The following AK4 variants were observed in gnomAD, a reference collection of about 807,000 sequenced individuals.
AK4 encodes the protein adenylate kinase 4, mitochondrial.
A neutral mutation model predicts 24.6 loss-of-function variants in AK4; 13 were observed. The observed-to-expected ratio is 0.53, with a 90% CI of 0.34 to 0.84. AK4 has a LOEUF of 0.84. AK4 is among the 40% of genes least tolerant of loss of function. The pLI is 0.01. For missense variants in AK4, 192 were observed against 288.2 expected, an observed-to-expected ratio of 0.67 and a Z score of 2.42; for synonymous variants, 88 against 107.0, an observed-to-expected ratio of 0.82 and a Z score of 1.10.
At chr1:65,163,406 G>T (rs1650232795) in intron 1 of AK4, among the ~76,000 whole-genome samples, 1 of 152,200 alleles carries the variant, frequency 6.6e-6, no homozygotes, top group African/African-American at 2.4e-5. Context: ...CAAAAAAAGA[G>T]AAATGACTAC....
At position 65,218,848 on chromosome 1, in the gene AK4, A is replaced by G; in HGVS notation, c.360A>G (p.Lys120=). The change falls in exon 3 of 5, where the codon AAA becomes AAG. Residue 120 remains lysine, a synonymous_variant. Coordinates refer to ENST00000327299, the MANE Select transcript of AK4 (RefSeq NM_013410.4). ...TGAATATTCCATTTGAAACACTTAA[A>G]GATCGTCTCAGCCGCCGTTGGATTC... is the stretch of plus-strand genomic sequence containing the variant. ...ISLNIPFETL[K]DRLSRRWIHP... 1.9e-6 allele frequency: 3 copies of G among 1,608,034 alleles called. No homozygotes were observed. Among genetic ancestry groups the G allele is most frequent in the Non-Finnish European group, 2.5e-6 (3 of 1,177,338 alleles).
chr1:65,153,222 C>T (rs1049317654), intron 1 of AK4, among the ~76,000 whole-genome samples: 4 of 152,170 alleles, frequency 2.6e-5, no homozygotes, highest in African/African-American at 9.7e-5. Context: ...GTAAGTCTGC[C>T]TTAGCCACAT....
intron 1 of AK4, among the ~76,000 whole-genome samples, chr1:65,150,156 A>C (rs1417899129): frequency 6.6e-6 from 1 of 152,114 alleles, no homozygotes; most frequent in Non-Finnish European, 1.5e-5. Flanking sequence ...CCATCCTGGG[A>C]CTGGACTCAT....
chr1:65,149,841 C>T (rs146752743), intron 1 of AK4, among the ~76,000 whole-genome samples: 1 of 152,266 alleles, frequency 6.6e-6, no homozygotes, highest in East Asian at 1.9e-4. Flanking sequence ...GTATTGTTAC[C>T]TCAAGTGCGC....
At chr1:65,189,324 A>G (rs1651213831) in intron 1 of AK4, among the ~76,000 whole-genome samples, 1 of 137,892 alleles carries the variant, frequency 7.3e-6, no homozygotes, top group Non-Finnish European at 1.5e-5. Flanking sequence ...TGTTGCCCAG[A>G]CTGGAGTGCA....
rs576704191 is a variant in AK4, at chr1:65,161,114, C to T, written c.145+12562C>T. Among the ~76,000 whole-genome samples the T allele has an allele frequency of 8.7e-4, 132 of 151,774 alleles. 1 individual carries two copies. Among genetic ancestry groups the T allele is most frequent in the Admixed American group, 1.3e-3 (20 of 15,244 alleles). ...CCTAAAACATTTTTTTTTAAAAAAC[C>T]TAAAAAAGGAAGCACTGACTTCCTC... On this transcript the variant is annotated intron_variant, in intron 1 of 4. Coordinates refer to ENST00000327299, the MANE Select transcript of AK4 (RefSeq NM_013410.4).
chr1:65,163,856 G>A (rs1650248155), intron 1 of AK4, among the ~76,000 whole-genome samples: 1 of 152,124 alleles, frequency 6.6e-6, no homozygotes, highest in Admixed American at 6.5e-5. Flanking sequence ...GTTGGAGATG[G>A]AATCATAGGG....
At chr1:65,211,255 GA>G (rs200024945) in intron 2 of AK4, among the ~76,000 whole-genome samples, 7,333 of 151,880 alleles carry the variant, frequency 0.048, 343 homozygotes, top group African/African-American at 0.12. Flanking sequence ...GTAATATGAA[GA>G]AAAAAATCTC....
chr1:65,199,846 C>T (rs1651609269), intron 2 of AK4, among the ~76,000 whole-genome samples: 1 of 152,020 alleles, frequency 6.6e-6, no homozygotes, highest in East Asian at 1.9e-4. Flanking sequence ...TGAGATGCTC[C>T]AATAGGCATT....
chr1:65,219,208 ATTTAT>A (rs1171013744), intron 3 of AK4, among the ~76,000 whole-genome samples: 2 of 151,332 alleles, frequency 1.3e-5, no homozygotes, highest in East Asian at 1.9e-4. Context: ...ATATAATTAT[ATTTAT>A]TTTATTTAAA....
At chr1:65,154,852 AT>A (rs71056081) in intron 1 of AK4, among the ~76,000 whole-genome samples, 1,664 of 146,584 alleles carry the variant, frequency 0.011, 13 homozygotes, top group East Asian at 0.055. Context: ...CATAGGGAGA[AT>A]TTTTTTTTTT....
At chr1:65,184,505 C>T (rs1239769417) in intron 1 of AK4, among the ~76,000 whole-genome samples, 2 of 152,102 alleles carry the variant, frequency 1.3e-5, no homozygotes, top group Non-Finnish European at 2.9e-5. Flanking sequence ...TTATTTGAAA[C>T]CTTCCTAGTG....
chr1:65,231,067 C>A lies in AK4; in HGVS notation c.*4890C>A, dbSNP rs1291029092. On this transcript the variant is annotated 3_prime_UTR_variant, in exon 5 of 5. Coordinates refer to ENST00000327299, the MANE Select transcript of AK4 (RefSeq NM_013410.4). The stretch of plus-strand genomic sequence containing the variant: ...AAAAAAAATAACCTAGTAATAAAGA[C>A]TTCTTTTAATGTGGAAATGTGGTCT... 1.3e-5 allele frequency: 2 copies of A among 152,234 alleles called. No individual in the cohort carries two copies. The highest frequency in any genetic ancestry group is 3.4e-3 in the Middle Eastern group (1 of 294). The allele number at this position is 152,234 out of a possible 1,614,324, so 9.4% of individuals were successfully genotyped here.
At chr1:65,205,081 TC>T (rs1651775213) in intron 2 of AK4, among the ~76,000 whole-genome samples, 1 of 152,230 alleles carries the variant, frequency 6.6e-6, no homozygotes, top group East Asian at 1.9e-4. Flanking sequence ...TTTTCGTCCC[TC>T]CCTCCTCTCC....
intron 1 of AK4, among the ~76,000 whole-genome samples, chr1:65,152,366 A>ATCTCTCTC (rs1557434448): frequency 5.3e-4 from 26 of 49,386 alleles, no homozygotes; most frequent in African/African-American, 1.7e-3. Flanking sequence ...CTCTCTATAT[A>ATCTCTCTC]TATATATATA....
At chr1:65,198,132 T>C (rs945291688) in intron 2 of AK4, among the ~76,000 whole-genome samples, 13 of 152,214 alleles carry the variant, frequency 8.5e-5, no homozygotes, top group Admixed American at 3.3e-4. Flanking sequence ...TGAAAAATCA[T>C]AGCCACATAA....
chr1:65,167,091 C>T (rs1037670064), intron 1 of AK4, among the ~76,000 whole-genome samples: 24 of 152,162 alleles, frequency 1.6e-4, no homozygotes, highest in African/African-American at 4.3e-4. Flanking sequence ...AAGATCACAC[C>T]ACTGCACCTC....
chr1:65,155,778 T>C (rs537737772), intron 1 of AK4, among the ~76,000 whole-genome samples: 73 of 152,180 alleles, frequency 4.8e-4, no homozygotes, highest in African/African-American at 1.6e-3. Context: ...CAAGTGATTC[T>C]CCTGCCTCAG....
intron 1 of AK4, among the ~76,000 whole-genome samples, chr1:65,187,894 A>G (rs1651156805): frequency 1.3e-5 from 2 of 152,212 alleles, no homozygotes; most frequent in Admixed American, 6.5e-5. Flanking sequence ...ATGTTCAGTC[A>G]CATTCACCAA....
Sources: allele counts gnomAD v4.1 joint callset (sites outside exome capture counted in the v4.1 genomes callset), GRCh38; gene constraint gnomAD v4.1.1; transcripts MANE v1.5; gene names NCBI Gene and HGNC (gene_info 2026-07-23, HGNC 2026-07-21).